Variants in NWD2 observed in about 807,000 individuals in gnomAD.
NWD2 encodes the protein NACHT and WD repeat domain containing 2.
Under a neutral mutation model 132.7 loss-of-function variants are expected in NWD2, and 37 were observed. That is an observed-to-expected ratio of 0.28 (90% CI 0.21 to 0.37). NWD2 has a LOEUF of 0.37. Among genes scored for constraint, NWD2 ranks in the 10% least tolerant of loss-of-function variants. NWD2 has a pLI of 1.00. For missense variants in NWD2, 1,592 were observed against 2,122.4 expected, an observed-to-expected ratio of 0.75 and a Z score of 4.91; for synonymous variants, 705 against 803.0, an observed-to-expected ratio of 0.88 and a Z score of 2.06.
chr4:37,388,501 A>AG (rs1720614519), intron 3 of NWD2, among the ~76,000 whole-genome samples: 1 of 151,922 alleles, frequency 6.6e-6, no homozygotes, highest in Non-Finnish European at 1.5e-5. Flanking sequence ...GTAGTTTTTA[A>AG]GTTGCTCTGC....
intron 1 of NWD2, among the ~76,000 whole-genome samples, chr4:37,308,656 C>T (rs1179121664): frequency 6.6e-6 from 1 of 152,110 alleles, no homozygotes; most frequent in African/African-American, 2.4e-5. Context: ...TCTTAGGCCC[C>T]TTGGGAGGGG....
chr4:37,400,903 A>G (rs1720884573), intron 3 of NWD2, among the ~76,000 whole-genome samples: 1 of 152,224 alleles, frequency 6.6e-6, no homozygotes, highest in African/African-American at 2.4e-5. Flanking sequence ...AACGCAAGAC[A>G]TGGCAGGGCC....
At chr4:37,344,857 TG>T (rs1200565015) in intron 2 of NWD2, among the ~76,000 whole-genome samples, 1 of 152,162 alleles carries the variant, frequency 6.6e-6, no homozygotes, top group Non-Finnish European at 1.5e-5. Flanking sequence ...CCTTTAGCTA[TG>T]ACTCCCCAAG....
chr4:37,259,949 A>G (rs1460867347), intron 1 of NWD2, among the ~76,000 whole-genome samples: 3 of 152,240 alleles, frequency 2.0e-5, no homozygotes, highest in Non-Finnish European at 4.4e-5. Flanking sequence ...GGCAGGAGCA[A>G]TGAGAAATCG....
intron 1 of NWD2, among the ~76,000 whole-genome samples, chr4:37,251,874 C>T (rs1200233560): frequency 6.6e-6 from 1 of 152,212 alleles, no homozygotes; most frequent in East Asian, 1.9e-4. Context: ...CACGAAGCAA[C>T]TACTCTATAT....
At chr4:37,276,815 T>A (rs150633810) in intron 1 of NWD2, among the ~76,000 whole-genome samples, 1,985 of 152,198 alleles carry the variant, frequency 0.013, 38 homozygotes, top group African/African-American at 0.045. Context: ...TAGAAAATGA[T>A]GAGTTCATGT....
intron 2 of NWD2, among the ~76,000 whole-genome samples, chr4:37,344,975 T>C (rs552545519): frequency 1.3e-5 from 2 of 152,332 alleles, no homozygotes; most frequent in South Asian, 4.1e-4. Flanking sequence ...ATACAATATG[T>C]GGTCTTTTGT....
At chr4:37,273,885 G>GA (rs1379571896) in intron 1 of NWD2, among the ~76,000 whole-genome samples, 1 of 151,966 alleles carries the variant, frequency 6.6e-6, no homozygotes, top group Non-Finnish European at 1.5e-5. Context: ...AAACCAACGA[G>GA]AAAAAAGACA....
rs1287782446 is a variant in NWD2 at position 37,443,961 on chromosome 4, T to C, written c.1973T>C (p.Val658Ala). ...SLEKKCGQKL[V>A]SRALGYITMA... ...GAGAAGAAGTGTGGTCAGAAACTGGTCTCTAGGGCTCTTGGTTACATCACC... is the reference window on the plus strand; with the variant it reads ...GAGAAGAAGTGTGGTCAGAAACTGGCCTCTAGGGCTCTTGGTTACATCACC... The change falls in exon 7 of 7, where the codon GTC becomes GCC. Residue 658 changes from valine to alanine, a missense_variant. Around this residue, in one of 7 missense-constraint regions of NWD2, gnomAD observed 1,071 missense variants for 1,398.0 expected, o/e 0.77. Transcript: ENST00000309447. This position sits in a 1 kb window ranked among gnomAD's most constrained non-coding sequence, Gnocchi z 4.1. 1 of 1,552,340 alleles carries C rather than the reference T, an allele frequency of 6.4e-7. No homozygotes were observed. The highest frequency in any genetic ancestry group is 1.2e-5 in the South Asian group (1 of 84,052).
chr4:37,359,858 ATG>A (rs1329146863), intron 3 of NWD2, among the ~76,000 whole-genome samples: 1 of 80,028 alleles, frequency 1.2e-5, no homozygotes, highest in Non-Finnish European at 4.0e-5. Flanking sequence ...TTTTACACAC[ATG>A]TTTTTGTCCA....
At chr4:37,335,125 C>T (rs984250435) in intron 2 of NWD2, among the ~76,000 whole-genome samples, 4 of 152,170 alleles carry the variant, frequency 2.6e-5, no homozygotes, top group African/African-American at 9.7e-5. Context: ...GTCTATGCTT[C>T]TTGGCACAAT....
intron 3 of NWD2, among the ~76,000 whole-genome samples, chr4:37,384,697 A>G (rs1720523294): frequency 6.6e-6 from 1 of 152,222 alleles, no homozygotes; most frequent in African/African-American, 2.4e-5. Context: ...ACAGCAGCAC[A>G]AAGTCATTCA....
At chr4:37,350,762 A>G (rs997866688) in intron 2 of NWD2, among the ~76,000 whole-genome samples, 1 of 152,200 alleles carries the variant, frequency 6.6e-6, no homozygotes, top group African/African-American at 2.4e-5. Context: ...GTCTTGTGCC[A>G]GTTTTCAAAG....
intron 2 of NWD2, among the ~76,000 whole-genome samples, chr4:37,335,343 A>G (rs1389363089): frequency 6.6e-6 from 1 of 151,516 alleles, no homozygotes; most frequent in Admixed American, 6.6e-5. Flanking sequence ...AATGAGTAGA[A>G]AAATTCCTCC....
At chr4:37,283,012 T>C (rs1192430249) in intron 1 of NWD2, among the ~76,000 whole-genome samples, 2 of 152,140 alleles carry the variant, frequency 1.3e-5, no homozygotes, top group Non-Finnish European at 2.9e-5. Context: ...CTCAAGGTCA[T>C]AAAGCTGGTG....
chr4:37,405,804 C>CAGGT (rs1252731718), intron 3 of NWD2, among the ~76,000 whole-genome samples: 1 of 152,060 alleles, frequency 6.6e-6, no homozygotes, highest in Non-Finnish European at 1.5e-5. Flanking sequence ...ACATCTTTGC[C>CAGGT]AGGTAGGTAG....
chr4:37,366,746 G>A lies in NWD2; in HGVS notation c.357+10264G>A, dbSNP rs145974412. On this transcript the variant is annotated intron_variant, in intron 3 of 6. Transcript: ENST00000309447. ...ATAGTAGGTTTTAAGTTAAGATAAA[G>A]TAGGATGTTTCATAATGATAAAAGG... Among the ~76,000 whole-genome samples the A allele has an allele frequency of 6.1e-3, 931 of 152,162 alleles. 32 individuals are homozygous for A. Among genetic ancestry groups the A allele is most frequent in the Admixed American group, 0.045 (684 of 15,278 alleles).
intron 1 of NWD2, among the ~76,000 whole-genome samples, chr4:37,259,511 C>G (rs958439373): frequency 1.3e-5 from 2 of 152,150 alleles, no homozygotes; most frequent in Non-Finnish European, 2.9e-5. Context: ...CCTGGACATT[C>G]CTGCAGGGCC....
At chr4:37,394,799 GTTTTT>G (rs1175840735) in intron 3 of NWD2, among the ~76,000 whole-genome samples, 3 of 52,596 alleles carry the variant, frequency 5.7e-5, no homozygotes, top group Non-Finnish European at 9.6e-5. Context: ...AACCTTTATG[GTTTTT>G]TTTTTTTTTT....
Sources: gnomAD v4.1 joint callset for allele counts (sites outside exome capture counted in the v4.1 genomes callset) on GRCh38, gnomAD v4.1.1 for gene constraint, gnomAD v4.1.1 regional missense constraint, Gnocchi (gnomAD v3.1) non-coding constraint, MANE v1.5 for transcripts, NCBI Gene and HGNC (gene_info 2026-07-23, HGNC 2026-07-21) for gene names.